The following FAM117B variants were observed in gnomAD, a reference collection of about 807,000 sequenced individuals.
The protein encoded by FAM117B is protein FAM117B.
Under a neutral mutation model 52.8 loss-of-function variants are expected in FAM117B, and 22 were observed. The ratio of observed to expected loss-of-function variants is 0.42; its 90% CI spans 0.30 to 0.59. The LOEUF (loss-of-function observed/expected upper bound fraction) is 0.59. Ranked by LOEUF, FAM117B falls within the 20% of genes least tolerant of loss-of-function variation. The probability of loss-of-function intolerance (pLI) is 0.22; values close to 1 mark genes in which losing one functional copy is unlikely to be tolerated. For synonymous variants in FAM117B, 309 were observed against 324.1 expected, an observed-to-expected ratio of 0.95 and a Z score of 0.50; for missense variants, 678 against 802.6, an observed-to-expected ratio of 0.84 and a Z score of 1.88.
intron 1 of FAM117B, among the ~76,000 whole-genome samples, chr2:202,654,298 G>A (rs1462433544): frequency 6.6e-6 from 1 of 150,792 alleles, no homozygotes; most frequent in East Asian, 1.9e-4. Context: ...GGGATTTCAG[G>A]CATGAGCCAC....
intron 1 of FAM117B, among the ~76,000 whole-genome samples, chr2:202,665,255 C>T (rs1690185495): frequency 6.6e-6 from 1 of 151,328 alleles, no homozygotes; most frequent in Non-Finnish European, 1.5e-5. Flanking sequence ...TCTAAGCTTA[C>T]TGCAACCTCT....
Position 202,737,713 on chromosome 2 carries a change from C to T in FAM117B, c.960+11350C>T, listed in dbSNP as rs940702930. Among the ~76,000 whole-genome samples the T allele has an allele frequency of 3.3e-5, 5 of 151,904 alleles. No homozygotes were observed. In the East Asian group the frequency reaches 5.8e-4, roughly 18 times the overall value. On this transcript the variant is annotated intron_variant, in intron 4 of 7. Transcript: ENST00000392238. Reference sequence around the variant, plus strand: ...GCCTCTTGGGTTCAAGCGATTTTCCCGCCTCAGCCTCCCGAGTGGCTGGTA... The same window carrying T: ...GCCTCTTGGGTTCAAGCGATTTTCCTGCCTCAGCCTCCCGAGTGGCTGGTA...
At chr2:202,675,787 C>T (rs773517685) in intron 1 of FAM117B, among the ~76,000 whole-genome samples, 1 of 151,900 alleles carries the variant, frequency 6.6e-6, no homozygotes, top group African/African-American at 2.4e-5. Context: ...GAGTTTGAGA[C>T]CAGCCTGGCC....
chr2:202,700,980 G>T (rs1690787616), intron 2 of FAM117B, among the ~76,000 whole-genome samples: 1 of 152,190 alleles, frequency 6.6e-6, no homozygotes, highest in Non-Finnish European at 1.5e-5. Flanking sequence ...GATCACAGGT[G>T]TGAGCCACTG....
intron 2 of FAM117B, among the ~76,000 whole-genome samples, chr2:202,712,227 T>C (rs916602799): frequency 1.3e-5 from 2 of 152,118 alleles, no homozygotes; most frequent in African/African-American, 4.8e-5. Context: ...ACTCAGTGTT[T>C]TACAGTTTTC....
At position 202,765,932 on chromosome 2, in the gene FAM117B, A is replaced by G; in HGVS notation, c.*168A>G. On this transcript the variant is annotated 3_prime_UTR_variant, in exon 8 of 8. Transcript: ENST00000392238. Reference sequence around the variant, plus strand: ...GGATCCCCCGTGACGGCTCTGCCCCACTTGTGAACGCCAACCCTCAGTGCT... The same window carrying G: ...GGATCCCCCGTGACGGCTCTGCCCCGCTTGTGAACGCCAACCCTCAGTGCT... 1 of 674,628 alleles carries G rather than the reference A, an allele frequency of 1.5e-6. No individual in the cohort carries two copies. The highest frequency in any genetic ancestry group is 2.5e-6 in the Non-Finnish European group (1 of 406,436). 41.8% of individuals were successfully genotyped at this position (674,628 alleles called of 1,614,324 possible). A position where few individuals can be genotyped will look rare whatever the true frequency, so the allele number is the denominator to read the frequency against.
rs533578572 is a variant in FAM117B, at chr2:202,708,269, T to C, written c.753+12237T>C. Among the ~76,000 whole-genome samples the C allele has an allele frequency of 2.6e-5, 4 of 152,362 alleles. No individual in the cohort carries two copies. The South Asian group carries it at 8.3e-4, about 32-fold the overall frequency. On this transcript the variant is annotated intron_variant, in intron 2 of 7. Transcript: ENST00000392238. ...CTAGCAATCACCATTCCATTTCTGA[T>C]TCTATGATTTGACTATTTTAGATTT... is the stretch of plus-strand genomic sequence containing the variant.
chr2:202,764,244 C>T (rs1395586580), intron 7 of FAM117B, among the ~76,000 whole-genome samples: 1 of 152,038 alleles, frequency 6.6e-6, no homozygotes, highest in East Asian at 1.9e-4. Flanking sequence ...TGAACACTTG[C>T]ATTTTTATTG....
At chr2:202,659,040 T>C (rs1379283890) in intron 1 of FAM117B, among the ~76,000 whole-genome samples, 1 of 152,102 alleles carries the variant, frequency 6.6e-6, no homozygotes, top group Non-Finnish European at 1.5e-5. Context: ...GGAATATCTC[T>C]CTGTCTCCCA....
intron 1 of FAM117B, among the ~76,000 whole-genome samples, chr2:202,655,499 G>T (rs1406900704): frequency 6.6e-6 from 1 of 152,070 alleles, no homozygotes; most frequent in Non-Finnish European, 1.5e-5. Flanking sequence ...TATTCATGAG[G>T]TATATTGGTT....
chr2:202,745,409 A>G (rs1300631405), intron 4 of FAM117B, among the ~76,000 whole-genome samples: 4 of 152,228 alleles, frequency 2.6e-5, no homozygotes, highest in Non-Finnish European at 5.9e-5. Flanking sequence ...GAGGATATCT[A>G]CCATCATGAA....
At chr2:202,662,780 G>A (rs1234872237) in intron 1 of FAM117B, among the ~76,000 whole-genome samples, 1 of 152,084 alleles carries the variant, frequency 6.6e-6, no homozygotes, top group Non-Finnish European at 1.5e-5. Context: ...GGAGGCGTAG[G>A]TTGCAGTGAG....
chr2:202,698,112 C>T (rs1277473810), intron 2 of FAM117B, among the ~76,000 whole-genome samples: 1 of 152,108 alleles, frequency 6.6e-6, no homozygotes, highest in African/African-American at 2.4e-5. Flanking sequence ...CTCAAGTGAT[C>T]TGCCAGCCTC....
At chr2:202,682,597 C>T (rs1019856422) in intron 1 of FAM117B, among the ~76,000 whole-genome samples, 12 of 152,182 alleles carry the variant, frequency 7.9e-5, no homozygotes, top group African/African-American at 2.9e-4. Flanking sequence ...TTCAACAGCA[C>T]AGTACGTATT....
intron 1 of FAM117B, among the ~76,000 whole-genome samples, chr2:202,649,001 G>A (rs1339296924): frequency 1.4e-5 from 2 of 147,248 alleles, no homozygotes; most frequent in Non-Finnish European, 2.9e-5. Flanking sequence ...CGTTCTGCCC[G>A]CCTCAGCCTC....
At chr2:202,661,617 A>G (rs1690127735) in intron 1 of FAM117B, among the ~76,000 whole-genome samples, 1 of 152,136 alleles carries the variant, frequency 6.6e-6, no homozygotes. Flanking sequence ...AGCTAACATT[A>G]AAAAATTATA....
chr2:202,724,002 C>T (rs1002633978), intron 2 of FAM117B, among the ~76,000 whole-genome samples: 1 of 151,596 alleles, frequency 6.6e-6, no homozygotes, highest in Non-Finnish European at 1.5e-5. Context: ...ATTTTCTTTC[C>T]CAATACACTT....
intron 2 of FAM117B, among the ~76,000 whole-genome samples, chr2:202,715,527 G>C (rs371017726): frequency 2.0e-5 from 3 of 151,734 alleles, no homozygotes; most frequent in African/African-American, 7.3e-5. Context: ...GACGATGGGC[G>C]GCCGGGCAGA....
intron 7 of FAM117B, among the ~76,000 whole-genome samples, chr2:202,761,857 TTAG>T (rs1691895213): frequency 1.3e-5 from 2 of 152,230 alleles, no homozygotes; most frequent in South Asian, 4.1e-4. Context: ...CATTGATCTG[TTAG>T]TAGAAGGTAA....
Sources: gnomAD v4.1 joint callset for allele counts (sites outside exome capture counted in the v4.1 genomes callset) on GRCh38, gnomAD v4.1.1 for gene constraint, MANE v1.5 for transcripts, NCBI Gene and HGNC (gene_info 2026-07-23, HGNC 2026-07-21) for gene names.